The following DRC11 variants were observed in gnomAD, a reference collection of about 807,000 sequenced individuals.
DRC11 encodes IQ and AAA domain-containing protein 1.
the DRC11 span, among the ~76,000 whole-genome samples, chr2:236,357,403 G>A: frequency 8.7e-6 from 1 of 114,292 alleles, no homozygotes; most frequent in South Asian, 2.6e-4. Context: ...TATAGTATAT[G>A]CATATTTATA....
chr2:236,442,700 GA>G, the DRC11 span, among the ~76,000 whole-genome samples: 2 of 152,268 alleles, frequency 1.3e-5, no homozygotes, highest in African/African-American at 4.8e-5. Context: ...TCATCATATT[GA>G]AAAGCACATT....
chr2:236,399,354 G>T, the DRC11 span: 1 of 1,361,214 alleles, frequency 7.3e-7, no homozygotes, highest in Non-Finnish European at 1.1e-6. The surrounding 1 kb of genome is among the most constrained non-coding windows in gnomAD (Gnocchi z 7.0). Context: ...AGCCTCCCGT[G>T]ATGGGGTTCC....
At chr2:236,389,383 C>T in the DRC11 span, among the ~76,000 whole-genome samples, 8 of 152,324 alleles carry the variant, frequency 5.3e-5, no homozygotes, top group African/African-American at 1.2e-4. Flanking sequence ...TTTTTAAGCC[C>T]GTCGGAAAAG....
chr2:236,325,732 A>G, the DRC11 span, among the ~76,000 whole-genome samples: 2 of 152,034 alleles, frequency 1.3e-5, no homozygotes, highest in Non-Finnish European at 2.9e-5. This position sits in a 1 kb window ranked among gnomAD's most constrained non-coding sequence, Gnocchi z 4.4. Flanking sequence ...CCTCCGGAGT[A>G]GCTGGGATTA....
At chr2:236,503,830 C>T in the DRC11 span, 3 of 795,432 alleles carry the variant, frequency 3.8e-6, no homozygotes, top group South Asian at 4.6e-5. This position sits in a 1 kb window ranked among gnomAD's most constrained non-coding sequence, Gnocchi z 4.9. Flanking sequence ...TGCGCTCAGC[C>T]CATCTGGCCT....
the DRC11 span, among the ~76,000 whole-genome samples, chr2:236,357,329 CATATATGAATATATATATTATATGT>C: frequency 1.1e-5 from 1 of 87,964 alleles, no homozygotes; most frequent in South Asian, 2.8e-4. Context: ...TATATATATT[CATATATGAATATATATATTATATGT>C]ATATATATTA....
At chr2:236,345,322 C>T in the DRC11 span, among the ~76,000 whole-genome samples, 1 of 152,170 alleles carries the variant, frequency 6.6e-6, no homozygotes, top group Non-Finnish European at 1.5e-5. Flanking sequence ...CCCCACCCCC[C>T]CCAACCGCTC....
the DRC11 span, among the ~76,000 whole-genome samples, chr2:236,423,133 A>G: frequency 1.3e-5 from 2 of 151,660 alleles, no homozygotes; most frequent in African/African-American, 4.8e-5. Flanking sequence ...TTCAGGACAT[A>G]GGCATGGGCA....
At chr2:236,340,473 C>T in the DRC11 span, among the ~76,000 whole-genome samples, 1 of 152,088 alleles carries the variant, frequency 6.6e-6, no homozygotes, top group Admixed American at 6.6e-5. Flanking sequence ...GGTAGCAAGC[C>T]GATGGTGGTG....
chr2:236,479,711 G>A, the DRC11 span, among the ~76,000 whole-genome samples: 3 of 152,100 alleles, frequency 2.0e-5, no homozygotes, highest in Non-Finnish European at 4.4e-5. This position sits in a 1 kb window ranked among gnomAD's most constrained non-coding sequence, Gnocchi z 4.1. Flanking sequence ...ATCTGCTGTA[G>A]TTACTGTTAA....
At chr2:236,357,566 A>C in the DRC11 span, among the ~76,000 whole-genome samples, 13 of 122,974 alleles carry the variant, frequency 1.1e-4, no homozygotes, top group African/African-American at 3.9e-4. Flanking sequence ...ATTTACATAT[A>C]TGCATAGTTA....
chr2:236,392,167 A>C, the DRC11 span: 2 of 1,484,970 alleles, frequency 1.3e-6, no homozygotes, highest in South Asian at 2.3e-5. This position sits in a 1 kb window ranked among gnomAD's most constrained non-coding sequence, Gnocchi z 5.1. Flanking sequence ...GGGGTAGGTC[A>C]TTAGTAGGAA....
At chr2:236,497,085 T>C in the DRC11 span, 7 of 1,095,724 alleles carry the variant, frequency 6.4e-6, no homozygotes, top group South Asian at 8.3e-5. The surrounding 1 kb of genome is among the most constrained non-coding windows in gnomAD (Gnocchi z 5.1). Flanking sequence ...GTCTGTAGAG[T>C]ATCGTGTACA....
the DRC11 span, among the ~76,000 whole-genome samples, chr2:236,432,020 A>C: frequency 3.5e-3 from 531 of 152,356 alleles, 3 homozygotes; most frequent in African/African-American, 0.012. Context: ...GATGTTTTCC[A>C]AAGTGGCAAC....
At chr2:236,338,240 A>G in the DRC11 span, 2 of 1,613,988 alleles carry the variant, frequency 1.2e-6, no homozygotes, top group Non-Finnish European at 1.7e-6. Context: ...GGGCACCAAA[A>G]TAATTTTCTG....
At chr2:236,424,622 T>C in the DRC11 span, among the ~76,000 whole-genome samples, 3 of 152,170 alleles carry the variant, frequency 2.0e-5, no homozygotes, top group African/African-American at 7.2e-5. Context: ...CTAACTAACA[T>C]GTCCATCACC....
At chr2:236,437,481 G>A in the DRC11 span, among the ~76,000 whole-genome samples, 3 of 151,580 alleles carry the variant, frequency 2.0e-5, no homozygotes, top group African/African-American at 4.9e-5. Flanking sequence ...TGGGTCAAAT[G>A]GTATTTCTAG....
the DRC11 span, among the ~76,000 whole-genome samples, chr2:236,423,509 T>C: frequency 6.1e-3 from 929 of 152,294 alleles, 10 homozygotes; most frequent in African/African-American, 0.021. Flanking sequence ...AGATACCATC[T>C]CACACCAGTT....
At chr2:236,429,954 A>G in the DRC11 span, among the ~76,000 whole-genome samples, 1 of 152,084 alleles carries the variant, frequency 6.6e-6, no homozygotes, top group Non-Finnish European at 1.5e-5. The surrounding 1 kb of genome is among the most constrained non-coding windows in gnomAD (Gnocchi z 5.9). Flanking sequence ...GTTCATGATA[A>G]CAAACCCTGA....
Sources: allele counts gnomAD v4.1 joint callset (sites outside exome capture counted in the v4.1 genomes callset), GRCh38; gene constraint gnomAD v4.1.1; non-coding constraint Gnocchi (gnomAD v3.1); transcripts MANE v1.5; gene names NCBI Gene and HGNC (gene_info 2026-07-23, HGNC 2026-07-21).